The following RBFOX1 variants were observed in gnomAD, a reference collection of about 807,000 sequenced individuals.
RBFOX1 encodes RNA binding protein fox-1 homolog 1.
RBFOX1 carries 8 observed loss-of-function variants against 57.7 expected under a neutral mutation model. The ratio of observed to expected loss-of-function variants is 0.14; its 90% CI spans 0.08 to 0.25. The LOEUF is 0.25. Ranked by LOEUF, RBFOX1 falls within the 10% of genes least tolerant of loss-of-function variation. The pLI is 1.00. For missense variants in RBFOX1, 611 were observed against 548.5 expected (o/e 1.11, Z -1.14); for synonymous variants, 326 against 222.4 (o/e 1.47, Z -4.15).
chr16:5,719,089 A>G (rs963521778), intron 3 of RBFOX1, among the ~76,000 whole-genome samples: 1 of 152,178 alleles, frequency 6.6e-6, no homozygotes, highest in Non-Finnish European at 1.5e-5. Context: ...TGTTATGAAG[A>G]TGACCTCAAG....
chr16:6,371,082 G>T (rs1433795037), intron 2 of RBFOX1, among the ~76,000 whole-genome samples: 1 of 152,104 alleles, frequency 6.6e-6, no homozygotes, highest in African/African-American at 2.4e-5. Context: ...ATATTAGTTT[G>T]TCTATTATTG....
At chr16:5,795,167 G>C (rs564350514) in intron 3 of RBFOX1, among the ~76,000 whole-genome samples, 2 of 152,208 alleles carry the variant, frequency 1.3e-5, no homozygotes, top group East Asian at 1.9e-4. Flanking sequence ...CCTCACGAAA[G>C]GCCTAACCCA....
chr16:6,678,214 C>T (rs1020678820), intron 3 of RBFOX1, among the ~76,000 whole-genome samples: 3 of 152,280 alleles, frequency 2.0e-5, no homozygotes, highest in Middle Eastern at 3.4e-3. Flanking sequence ...GCCTCTGCCT[C>T]CTTGAGTTCA....
intron 2 of RBFOX1, among the ~76,000 whole-genome samples, chr16:5,503,409 A>G (rs937528646): frequency 6.6e-6 from 1 of 152,172 alleles, no homozygotes; most frequent in East Asian, 1.9e-4. Context: ...ATCAATTTCA[A>G]GTGTACAAGA....
intron 5 of RBFOX1, among the ~76,000 whole-genome samples, chr16:7,543,706 T>A (rs1454395476): frequency 4.4e-5 from 6 of 136,280 alleles, no homozygotes; most frequent in Admixed American, 2.9e-4. Flanking sequence ...TGTGTGTGTG[T>A]GTGTGTGTGT....
intron 13 of RBFOX1, among the ~76,000 whole-genome samples, chr16:7,671,373 G>A (rs2071379109): frequency 6.6e-6 from 1 of 152,146 alleles, no homozygotes; most frequent in African/African-American, 2.4e-5. Context: ...GCAGAGATTT[G>A]CAACTAAAAA....
intron 10 of RBFOX1, among the ~76,000 whole-genome samples, chr16:7,629,661 C>T (rs2060625681): frequency 1.3e-5 from 2 of 152,208 alleles, no homozygotes; most frequent in South Asian, 4.1e-4. Flanking sequence ...ATTCCTGACC[C>T]CAGTCATCCC....
intron 3 of RBFOX1, among the ~76,000 whole-genome samples, chr16:6,961,889 C>T (rs899097384): frequency 6.6e-6 from 1 of 152,106 alleles, no homozygotes; most frequent in Admixed American, 6.5e-5. Context: ...TAGCTGGCTT[C>T]TTCACCACAT....
At chr16:7,230,758 C>T (rs2093451669) in intron 4 of RBFOX1, among the ~76,000 whole-genome samples, 1 of 152,206 alleles carries the variant, frequency 6.6e-6, no homozygotes, top group African/African-American at 2.4e-5. Context: ...CATGAATTTA[C>T]ACAACTGAAT....
chr16:6,878,152 C>G (rs558395289), intron 3 of RBFOX1, among the ~76,000 whole-genome samples: 40 of 152,228 alleles, frequency 2.6e-4, no homozygotes, highest in African/African-American at 8.9e-4. Flanking sequence ...GTTTGTGTTG[C>G]TACAATGTAA....
At chr16:5,617,009 G>C (rs1469952726) in intron 3 of RBFOX1, among the ~76,000 whole-genome samples, 1 of 151,792 alleles carries the variant, frequency 6.6e-6, no homozygotes, top group Non-Finnish European at 1.5e-5. Flanking sequence ...GGCAGTTCCT[G>C]AGTTAGAGAC....
chr16:6,822,085 G>C (rs9924579), intron 3 of RBFOX1, among the ~76,000 whole-genome samples: 1 of 152,128 alleles, frequency 6.6e-6, no homozygotes, highest in Non-Finnish European at 1.5e-5. Flanking sequence ...AAATGGTTGC[G>C]TGTGATTTTT....
At chr16:6,465,543 C>G (rs1239511922) in intron 2 of RBFOX1, among the ~76,000 whole-genome samples, 1 of 151,878 alleles carries the variant, frequency 6.6e-6, no homozygotes, top group Non-Finnish European at 1.5e-5. Flanking sequence ...CTAAGTTTAC[C>G]TGCACTTTTA....
chr16:6,852,986 C>G (rs1056112488), intron 3 of RBFOX1, among the ~76,000 whole-genome samples: 2 of 152,200 alleles, frequency 1.3e-5, no homozygotes, highest in Non-Finnish European at 2.9e-5. Flanking sequence ...GCCCAGCACC[C>G]TATGGATGGA....
chr16:6,581,954 T>C (rs1861209), intron 2 of RBFOX1, among the ~76,000 whole-genome samples: 77,171 of 151,994 alleles, frequency 0.51, 20,181 homozygotes, highest in East Asian at 0.67. Context: ...CATTTTTGCT[T>C]CCCAAAGGAT....
At chr16:6,937,399 G>C (rs1056636160) in intron 3 of RBFOX1, among the ~76,000 whole-genome samples, 14 of 151,758 alleles carry the variant, frequency 9.2e-5, no homozygotes, top group African/African-American at 3.4e-4. Flanking sequence ...TATTAATGTA[G>C]ACTTTTTTTT....
intron 1 of RBFOX1, among the ~76,000 whole-genome samples, chr16:6,291,611 G>A (rs66589142): frequency 0.14 from 20,671 of 152,108 alleles, 1,712 homozygotes; most frequent in Non-Finnish European, 0.17. Context: ...CCTCTTGCCC[G>A]CCTGAGGCAA....
intron 4 of RBFOX1, among the ~76,000 whole-genome samples, chr16:7,230,688 A>C (rs1384032091): frequency 6.6e-6 from 1 of 152,218 alleles, no homozygotes; most frequent in Non-Finnish European, 1.5e-5. Context: ...ATAGAAGGGG[A>C]GAGCCACTTG....
chr16:6,415,988 C>T (rs1398292228), intron 2 of RBFOX1, among the ~76,000 whole-genome samples: 1 of 152,170 alleles, frequency 6.6e-6, no homozygotes, highest in Non-Finnish European at 1.5e-5. Flanking sequence ...TTGTTAACAC[C>T]TGCCAGCGTT....
Sources: gnomAD v4.1 joint callset for allele counts (sites outside exome capture counted in the v4.1 genomes callset) on GRCh38, gnomAD v4.1.1 for gene constraint, MANE v1.5 for transcripts, NCBI Gene and HGNC (gene_info 2026-07-23, HGNC 2026-07-21) for gene names.